Variants in HS6ST2 observed in about 807,000 individuals in gnomAD.
HS6ST2 encodes the protein heparan sulfate 6-O-sulfotransferase 2.
In HS6ST2, 17 loss-of-function variants were observed where a neutral mutation model predicts 33.0. The observed-to-expected ratio is 0.52, with a 90% CI of 0.35 to 0.77. The LOEUF is 0.77. Ranked by LOEUF, HS6ST2 falls within the 30% of genes least tolerant of loss-of-function variation. The pLI, the probability that HS6ST2 is intolerant of heterozygous loss-of-function variation, is 0.01. For synonymous variants in HS6ST2, 248 were observed against 237.1 expected, an observed-to-expected ratio of 1.05 and a Z score of -0.42; for missense variants, 519 against 551.7, an observed-to-expected ratio of 0.94 and a Z score of 0.59.
At chrX:132,637,934 TATAATATTTTATATATAATA>T (rs2063573730) in intron 4 of HS6ST2, among the ~76,000 whole-genome samples, 1 of 72,498 alleles carries the variant, frequency 1.4e-5, no homozygotes, top group African/African-American at 5.3e-5. Flanking sequence ...ATATATTATA[TATAATATTTTATATATAATA>T]TATATAAAAT....
intron 2 of HS6ST2, among the ~76,000 whole-genome samples, chrX:132,880,593 A>G (rs2066158131): frequency 9.2e-6 from 1 of 109,163 alleles, no homozygotes; most frequent in Middle Eastern, 4.8e-3. Flanking sequence ...TCGCAAATTT[A>G]GCAGAGACTA....
intron 2 of HS6ST2, among the ~76,000 whole-genome samples, chrX:132,882,944 G>A (rs1259140543): frequency 3.6e-5 from 4 of 111,597 alleles, no homozygotes; most frequent in Admixed American, 9.6e-5. Flanking sequence ...ATTTGCATAT[G>A]TTGAACCAGC....
intron 2 of HS6ST2, among the ~76,000 whole-genome samples, chrX:132,948,530 A>G (rs920565514): frequency 4.5e-5 from 5 of 112,349 alleles, no homozygotes; most frequent in African/African-American, 1.6e-4. Context: ...AATGTGCAAG[A>G]CAGATTTATT....
chrX:132,718,645 C>T lies in HS6ST2; in HGVS notation c.948-10151G>A, dbSNP rs148386316. Among the ~76,000 whole-genome samples the T allele has an allele frequency of 7.3e-3, 804 of 110,694 alleles. 6 individuals carry two copies. Among genetic ancestry groups the T allele is most frequent in the African/African-American group, 0.024 (738 of 30,423 alleles). On this transcript the variant is annotated intron_variant, in intron 2 of 4. Transcript: ENST00000370833. Reference sequence around the variant, plus strand: ...GCTTCCTGTTTGCCTCTCTTTAGGCCTCTCATGGGACTATTTTTCATTTTG... The same window carrying T: ...GCTTCCTGTTTGCCTCTCTTTAGGCTTCTCATGGGACTATTTTTCATTTTG...
intron 2 of HS6ST2, among the ~76,000 whole-genome samples, chrX:132,883,633 G>A (rs2148444256): frequency 9.0e-6 from 1 of 111,083 alleles, no homozygotes; most frequent in African/African-American, 3.3e-5. Flanking sequence ...AGAGGGTCAA[G>A]ATGTTTTGCT....
chrX:132,901,113 A>G (rs1451804032), intron 2 of HS6ST2, among the ~76,000 whole-genome samples: 1 of 111,815 alleles, frequency 8.9e-6, no homozygotes, highest in African/African-American at 3.3e-5. Context: ...CAACAACCAC[A>G]TGCATGAGCT....
rs897735200 is a variant in HS6ST2, at chrX:132,905,019, G to T, written c.947+51789C>A. On this transcript the variant is annotated intron_variant, in intron 2 of 4. Coordinates refer to ENST00000370833, the MANE Select transcript of HS6ST2 (RefSeq NM_001394073.1). ...AGGCCAAATGCAGTTTTTGTTTATT[G>T]CCCATTTACTCTTCTCTTTTTGTAT... Among the ~76,000 whole-genome samples, 7 of 111,045 alleles carry T rather than the reference G, an allele frequency of 6.3e-5. No homozygotes were observed. In the East Asian group the frequency reaches 1.7e-3, roughly 27 times the overall value.
chrX:132,660,612 G>A, intron 4 of HS6ST2, among the ~76,000 whole-genome samples: 1 of 111,345 alleles, frequency 9.0e-6, no homozygotes, highest in Non-Finnish European at 1.9e-5. Context: ...ATATATCTGT[G>A]CAGTGCTATG....
At chrX:132,685,163 C>A (rs973553113) in intron 3 of HS6ST2, among the ~76,000 whole-genome samples, 1 of 111,576 alleles carries the variant, frequency 9.0e-6, no homozygotes, top group African/African-American at 3.3e-5. Flanking sequence ...CAAATTAAAA[C>A]CCATATTAAT....
At chrX:132,727,485 A>G (rs1392020710) in intron 2 of HS6ST2, among the ~76,000 whole-genome samples, 2 of 110,590 alleles carry the variant, frequency 1.8e-5, no homozygotes, top group Non-Finnish European at 3.8e-5. Flanking sequence ...AGTGTCTACG[A>G]GTTATTGGAA....
chrX:132,632,348 G>A (rs1450218650), intron 4 of HS6ST2, among the ~76,000 whole-genome samples: 2 of 111,436 alleles, frequency 1.8e-5, no homozygotes, highest in African/African-American at 3.3e-5. Context: ...CAGGGTCCAG[G>A]GGTCTCCTGA....
intron 2 of HS6ST2, among the ~76,000 whole-genome samples, chrX:132,716,779 G>A (rs1009924718): frequency 2.7e-5 from 3 of 112,360 alleles, no homozygotes; most frequent in Non-Finnish European, 3.8e-5. Flanking sequence ...ATATATATGT[G>A]TACTGGGAGT....
At chrX:132,854,927 G>A (rs770039007) in intron 2 of HS6ST2, among the ~76,000 whole-genome samples, 9 of 112,155 alleles carry the variant, frequency 8.0e-5, no homozygotes, top group Non-Finnish European at 1.7e-4. Flanking sequence ...TGTGCATTCC[G>A]TCTGGCCTTT....
intron 4 of HS6ST2, among the ~76,000 whole-genome samples, chrX:132,637,851 A>ATTT (rs1491257857): frequency 2.8e-5 from 1 of 35,722 alleles, no homozygotes; most frequent in East Asian, 7.4e-4. Context: ...TTTATATATA[A>ATTT]TATATATATA....
At chrX:132,654,114 A>T (rs764260732) in intron 4 of HS6ST2, among the ~76,000 whole-genome samples, 37 of 111,220 alleles carry the variant, frequency 3.3e-4, no homozygotes, top group Non-Finnish European at 5.5e-4. Flanking sequence ...AACAGGGTAG[A>T]TCTTATGTTG....
chrX:132,717,291 T>A (rs936289977), intron 2 of HS6ST2, among the ~76,000 whole-genome samples: 2 of 112,753 alleles, frequency 1.8e-5, no homozygotes, highest in Admixed American at 9.3e-5. Context: ...TGTGCTAGAG[T>A]GAAGTGAGCA....
At chrX:132,941,627 G>A (rs1034177929) in intron 2 of HS6ST2, among the ~76,000 whole-genome samples, 4 of 112,059 alleles carry the variant, frequency 3.6e-5, no homozygotes, top group Non-Finnish European at 7.5e-5. Context: ...GTCACCAATC[G>A]TTGTCAAACA....
At chrX:132,828,678 T>A (rs868491141) in intron 2 of HS6ST2, among the ~76,000 whole-genome samples, 7 of 53,242 alleles carry the variant, frequency 1.3e-4, no homozygotes, top group South Asian at 1.1e-3. Flanking sequence ...ATATCATATT[T>A]TATATATATA....
rs996494463 is a variant in HS6ST2, at chrX:132,669,303, C to T, written c.981-104G>A. The T allele has an allele frequency of 1.8e-5, 9 of 506,938 alleles. No individual in the cohort carries two copies. In the Admixed American group the frequency reaches 3.7e-4, roughly 21 times the overall value. The allele number at this position is 506,938 out of a possible 1,213,427, so 41.8% of individuals were successfully genotyped here. On this transcript the variant is annotated intron_variant, in intron 3 of 4. Transcript: ENST00000370833. ...AGACTCTCAAGGCCAGCCTGCATAT[C>T]CCCCCACCACCCCCTGGCCAATCTC...
Sources: allele counts gnomAD v4.1 joint callset (sites outside exome capture counted in the v4.1 genomes callset), GRCh38; gene constraint gnomAD v4.1.1; transcripts MANE v1.5; gene names NCBI Gene and HGNC (gene_info 2026-07-23, HGNC 2026-07-21).